Variants in ITGA11 observed in about 807,000 individuals in gnomAD.
ITGA11 encodes the protein integrin alpha-11.
Under a neutral mutation model 141.9 loss-of-function variants are expected in ITGA11, and 97 were observed. The ratio of observed to expected loss-of-function variants is 0.68; its 90% CI spans 0.58 to 0.81. The LOEUF (loss-of-function observed/expected upper bound fraction) is 0.81, where lower values mean the gene tolerates loss of function less well. Among genes scored for constraint, ITGA11 ranks in the 30% least tolerant of loss-of-function variants. The pLI is 0.00. For missense variants in ITGA11, 1,387 were observed against 1,559.2 expected, an observed-to-expected ratio of 0.89 and a Z score of 1.86; for synonymous variants, 658 against 624.6, an observed-to-expected ratio of 1.05 and a Z score of -0.80.
intron 8 of ITGA11, 85 bp downstream of exon 8, chr15:68,351,173 G>A: frequency 6.9e-7 from 1 of 1,442,006 alleles, no homozygotes; most frequent in Non-Finnish European, 9.5e-7. Context: ...GATACTGCCT[G>A]GAACTAGTCC....
rs1410683505 is a variant in ITGA11 at position 68,304,610 on chromosome 15, G to A, written c.3382-725C>T. Among the ~76,000 whole-genome samples, 2 of 152,082 alleles carry A rather than the reference G, an allele frequency of 1.3e-5. No homozygotes were observed. The highest frequency in any genetic ancestry group is 1.9e-4 in the East Asian group (1 of 5,200). ...GACTGCTCTCACATTTCTGTCGTCC[G>A]CCTGGATTCTCCGCTGAATTCCAGG... On this transcript the variant is annotated intron_variant, in intron 28 of 29. Transcript: ENST00000315757. The surrounding 1 kb of genome is among the most constrained non-coding windows in gnomAD (Gnocchi z 6.1).
chr15:68,403,942 G>A (rs1424798976), intron 1 of ITGA11, among the ~76,000 whole-genome samples: 1 of 152,056 alleles, frequency 6.6e-6, no homozygotes, highest in African/African-American at 2.4e-5. Flanking sequence ...ATGGATAGGG[G>A]GGACATAAAA....
intron 1 of ITGA11, among the ~76,000 whole-genome samples, chr15:68,425,426 G>A (rs1566946449): frequency 6.6e-6 from 1 of 152,260 alleles, no homozygotes; most frequent in Admixed American, 6.5e-5. Context: ...AGAGAACCCT[G>A]TCTACAAACT....
At chr15:68,398,343 G>T (rs1221830581) in intron 2 of ITGA11, among the ~76,000 whole-genome samples, 3 of 151,682 alleles carry the variant, frequency 2.0e-5, no homozygotes, top group Non-Finnish European at 2.9e-5. Context: ...AAAGGCAGGG[G>T]TTGCAATCCT....
At chr15:68,401,071 G>A (rs958786591) in intron 2 of ITGA11, among the ~76,000 whole-genome samples, 1 of 146,242 alleles carries the variant, frequency 6.8e-6, no homozygotes, top group Non-Finnish European at 1.5e-5. Context: ...TTTCACAAAA[G>A]GGGATACAAA....
chr15:68,369,697 C>G (rs1367960570), intron 2 of ITGA11, among the ~76,000 whole-genome samples: 1 of 152,240 alleles, frequency 6.6e-6, no homozygotes, highest in Non-Finnish European at 1.5e-5. Context: ...GCCACAGAGT[C>G]TTGACCATCT....
intron 8 of ITGA11, 111 bp from the exon 9 acceptor site, chr15:68,350,893 T>C: frequency 1.8e-6 from 2 of 1,094,586 alleles, no homozygotes; most frequent in Non-Finnish European, 2.6e-6. Context: ...CCAGGGCCGG[T>C]AGCCATGAGA....
chr15:68,353,874 G>A (rs927258610), intron 7 of ITGA11, among the ~76,000 whole-genome samples: 5 of 151,994 alleles, frequency 3.3e-5, no homozygotes, highest in African/African-American at 9.7e-5. Context: ...AATCTGGCCC[G>A]TTTCCTCTCT....
rs1259130940 is a variant in ITGA11, at chr15:68,335,942, G to A, written c.1277-97C>T. 94 of 1,399,526 alleles carry A rather than the reference G, an allele frequency of 6.7e-5. No individual in the cohort carries two copies. Among genetic ancestry groups the A allele is most frequent in the Non-Finnish European group, 9.0e-5 (92 of 1,022,264 alleles). 86.7% of individuals were successfully genotyped at this position (1,399,526 alleles called of 1,614,324 possible). A position where few individuals can be genotyped will look rare whatever the true frequency, so the allele number is the denominator to read the frequency against. On this transcript the variant is annotated intron_variant, in intron 11 of 29. Coordinates refer to ENST00000315757, the MANE Select transcript of ITGA11 (RefSeq NM_001004439.2). The surrounding 1 kb of genome is among the most constrained non-coding windows in gnomAD (Gnocchi z 4.9). The stretch of plus-strand genomic sequence containing the variant: ...CTTGGCAGTGCCAGAGGATGGGCCA[G>A]TGATGGGGTAGGTTCAGGGCTAGCT...
chr15:68,350,737 GAA>G lies in ITGA11; in HGVS notation c.938_939del (p.Phe313SerfsTer3). ...CTGGCGATGTATTTGATTTCATTTA[GAA>G]AAGTTTCTGGATTGATCCCCCTGCG... ...YNRRGINPETFLNEIKYIASD... is the reference protein window; with the variant it reads ...YNRRGINPETXLNEIKYIASD... On this transcript the variant is annotated frameshift_variant, in exon 9 of 30. Coordinates refer to ENST00000315757, the MANE Select transcript of ITGA11 (RefSeq NM_001004439.2). LOFTEE classifies it high-confidence loss of function. 6.2e-7 allele frequency: 1 copy of G among 1,613,918 alleles called. No individual in the cohort carries two copies. The highest frequency in any genetic ancestry group is 2.2e-5 in the East Asian group (1 of 44,866).
In ITGA11 at chr15:68,431,824, C is replaced by T. The variant is rs80280194; in HGVS notation, c.52+191G>A. ...GTCCCGGCTTTCAATAGCCTTCGCA[C>T]CTCCCTCTTTAGCGAAACTTGACTG... On this transcript the variant is annotated intron_variant, in intron 1 of 29. Coordinates refer to ENST00000315757, the MANE Select transcript of ITGA11 (RefSeq NM_001004439.2). 5.3e-3 allele frequency among the ~76,000 whole-genome samples: 800 copies of T among 152,364 alleles called. 12 individuals carry two copies. The highest frequency in any genetic ancestry group is 0.019 in the African/African-American group (776 of 41,592).
intron 2 of ITGA11, among the ~76,000 whole-genome samples, chr15:68,380,088 G>A (rs1895821150): frequency 6.6e-6 from 1 of 152,182 alleles, no homozygotes; most frequent in Non-Finnish European, 1.5e-5. Context: ...TTAGACTGGG[G>A]AAGAAAGCAA....
chr15:68,427,419 C>T (rs752931589), intron 1 of ITGA11, among the ~76,000 whole-genome samples: 3 of 152,130 alleles, frequency 2.0e-5, no homozygotes, highest in Non-Finnish European at 4.4e-5. Flanking sequence ...ATCCCAGAGT[C>T]ACCCAGGTAG....
At chr15:68,384,215 C>T (rs1303161138) in intron 2 of ITGA11, among the ~76,000 whole-genome samples, 1 of 150,468 alleles carries the variant, frequency 6.6e-6, no homozygotes, top group Non-Finnish European at 1.5e-5. Context: ...TTCCTGGACC[C>T]TCACTGACAT....
chr15:68,426,539 T>A (rs1179762238), intron 1 of ITGA11, among the ~76,000 whole-genome samples: 4 of 152,142 alleles, frequency 2.6e-5, no homozygotes, highest in African/African-American at 9.7e-5. Context: ...GTCAGCATCT[T>A]GTTGGAGGAG....
At chr15:68,378,047 T>C (rs1895770872) in intron 2 of ITGA11, among the ~76,000 whole-genome samples, 1 of 152,248 alleles carries the variant, frequency 6.6e-6, no homozygotes, top group African/African-American at 2.4e-5. Context: ...GAGTGGCCAT[T>C]TGCAGGGCTG....
chr15:68,400,431 A>T (rs1896439964), intron 2 of ITGA11, among the ~76,000 whole-genome samples: 1 of 148,340 alleles, frequency 6.7e-6, no homozygotes, highest in Non-Finnish European at 1.5e-5. Flanking sequence ...ACTTTATTAA[A>T]GTTAAGGACT....
chr15:68,353,066 A>G (rs1165587765), intron 7 of ITGA11, among the ~76,000 whole-genome samples: 1 of 152,256 alleles, frequency 6.6e-6, no homozygotes, highest in Non-Finnish European at 1.5e-5. Flanking sequence ...AAGGCAGGAC[A>G]GGCCACAGAT....
chr15:68,305,670 G>A lies in ITGA11; in HGVS notation c.3381+1678C>T, dbSNP rs1173462213. Among the ~76,000 whole-genome samples the A allele has an allele frequency of 6.6e-6, 1 of 152,208 alleles. No homozygotes were observed. Among genetic ancestry groups the A allele is most frequent in the Non-Finnish European group, 1.5e-5 (1 of 68,038 alleles). On this transcript the variant is annotated intron_variant, in intron 28 of 29. Transcript: ENST00000315757. The surrounding 1 kb of genome is among the most constrained non-coding windows in gnomAD (Gnocchi z 4.6). ...CTCCTGCCTCATCTCACATGCCTCG[G>A]TGTGCATACCTGAGAGATGGGGGTG...
Sources: gnomAD v4.1 joint callset for allele counts (sites outside exome capture counted in the v4.1 genomes callset) on GRCh38, gnomAD v4.1.1 for gene constraint, Gnocchi (gnomAD v3.1) non-coding constraint, MANE v1.5 for transcripts, NCBI Gene and HGNC (gene_info 2026-07-23, HGNC 2026-07-21) for gene names.